CYP39A1: variants seen among roughly 807,000 people sequenced by gnomAD.
CYP39A1 encodes 24-hydroxycholesterol 7-alpha-hydroxylase.
CYP39A1 carries 49 observed loss-of-function variants against 58.1 expected under a neutral mutation model. The ratio of observed to expected loss-of-function variants is 0.84; its 90% CI spans 0.67 to 1.07. CYP39A1 has a LOEUF of 1.07. CYP39A1 is among the 50% of genes least tolerant of loss of function. CYP39A1 has a pLI of 0.00. For missense variants in CYP39A1, 531 were observed against 539.4 expected (o/e 0.98, Z 0.16); for synonymous variants, 209 against 187.6 (o/e 1.11, Z -0.93).
intron 10 of CYP39A1, among the ~76,000 whole-genome samples, chr6:46,582,661 A>G (rs1349116135): frequency 6.6e-6 from 1 of 151,214 alleles, no homozygotes. Context: ...GGCATTTGTC[A>G]TGTGCCATCT....
chr6:46,561,659 G>T (rs1770980967), intron 10 of CYP39A1, among the ~76,000 whole-genome samples: 1 of 152,046 alleles, frequency 6.6e-6, no homozygotes, highest in African/African-American at 2.4e-5. Flanking sequence ...AATAGATTGT[G>T]CTGATTGAAC....
intron 5 of CYP39A1, among the ~76,000 whole-genome samples, chr6:46,636,114 C>T (rs1699603847): frequency 1.3e-5 from 2 of 152,150 alleles, no homozygotes; most frequent in Non-Finnish European, 2.9e-5. Flanking sequence ...ATTGACACAG[C>T]CAACTGTATG....
At chr6:46,647,366 A>G (rs1762387711) in intron 1 of CYP39A1, among the ~76,000 whole-genome samples, 1 of 152,214 alleles carries the variant, frequency 6.6e-6, no homozygotes, top group South Asian at 2.1e-4. Flanking sequence ...AACATAGATG[A>G]CTACAGGTAA....
intron 10 of CYP39A1, among the ~76,000 whole-genome samples, chr6:46,575,798 A>G (rs1055505673): frequency 6.6e-6 from 1 of 152,216 alleles, no homozygotes; most frequent in African/African-American, 2.4e-5. Flanking sequence ...TAGAACACCC[A>G]GTCCAGGAGT....
At chr6:46,577,130 A>C (rs1211282804) in intron 10 of CYP39A1, among the ~76,000 whole-genome samples, 1 of 152,208 alleles carries the variant, frequency 6.6e-6, no homozygotes. Context: ...TATATTTAGC[A>C]TCCTTAAAGC....
chr6:46,644,573 A>G (rs1298766167), intron 1 of CYP39A1, among the ~76,000 whole-genome samples: 1 of 152,172 alleles, frequency 6.6e-6, no homozygotes, highest in Non-Finnish European at 1.5e-5. Context: ...GATTCTTTTC[A>G]GTTTAGGGCT....
At chr6:46,600,470 G>A (rs1191018581) in intron 7 of CYP39A1, among the ~76,000 whole-genome samples, 1 of 152,030 alleles carries the variant, frequency 6.6e-6, no homozygotes, top group Non-Finnish European at 1.5e-5. Flanking sequence ...GTGACTCTTG[G>A]AAATTAGGGG....
At chr6:46,597,443 T>C (rs186975355) in intron 7 of CYP39A1, among the ~76,000 whole-genome samples, 5 of 152,250 alleles carry the variant, frequency 3.3e-5, no homozygotes, top group African/African-American at 1.2e-4. Flanking sequence ...TTAAAGCAGA[T>C]AGGGTTCACA....
At chr6:46,627,703 C>A (rs977636230) in intron 6 of CYP39A1, among the ~76,000 whole-genome samples, 1 of 151,966 alleles carries the variant, frequency 6.6e-6, no homozygotes, top group African/African-American at 2.4e-5. Flanking sequence ...CAGGCGTGAG[C>A]CACTTTTTTT....
At chr6:46,612,622 T>C (rs1774282564) in intron 7 of CYP39A1, among the ~76,000 whole-genome samples, 1 of 152,224 alleles carries the variant, frequency 6.6e-6, no homozygotes, top group Non-Finnish European at 1.5e-5. Context: ...AGAAATTTCC[T>C]GCATGATAAG....
intron 7 of CYP39A1, among the ~76,000 whole-genome samples, chr6:46,624,808 G>A (rs1270646065): frequency 2.0e-5 from 3 of 152,108 alleles, no homozygotes; most frequent in African/African-American, 7.2e-5. Context: ...ATTCAAGCTT[G>A]TATTTGCTTT....
chr6:46,588,157 A>AT (rs1281627413), intron 8 of CYP39A1, 28 bp from the exon 9 acceptor site: 10 of 1,414,126 alleles, frequency 7.1e-6, no homozygotes, highest in Middle Eastern at 1.8e-4. Flanking sequence ...GCTGCAAATC[A>AT]TTTTTTTGAA....
intron 1 of CYP39A1, among the ~76,000 whole-genome samples, chr6:46,650,213 A>C (rs1762590377): frequency 6.6e-6 from 1 of 152,090 alleles, no homozygotes; most frequent in African/African-American, 2.4e-5. Flanking sequence ...TGGGGAAAGA[A>C]GGGCAGTCCT....
At chr6:46,604,276 T>C (rs1773699328) in intron 7 of CYP39A1, among the ~76,000 whole-genome samples, 1 of 152,192 alleles carries the variant, frequency 6.6e-6, no homozygotes, top group Non-Finnish European at 1.5e-5. Flanking sequence ...CCAATTCTCT[T>C]TTCCCATCTC....
chr6:46,640,735 C>A (rs569651526), intron 2 of CYP39A1, among the ~76,000 whole-genome samples: 5 of 152,124 alleles, frequency 3.3e-5, no homozygotes, highest in African/African-American at 1.2e-4. Context: ...GAGCACAGTA[C>A]TCAATAGTTA....
At chr6:46,550,679 A>G (rs1056266799) in intron 11 of CYP39A1, among the ~76,000 whole-genome samples, 10 of 152,176 alleles carry the variant, frequency 6.6e-5, no homozygotes, top group African/African-American at 2.4e-4. Flanking sequence ...ACACACCTGA[A>G]GGCTATAGGC....
intron 10 of CYP39A1, among the ~76,000 whole-genome samples, chr6:46,557,318 T>A (rs1422049420): frequency 6.6e-6 from 1 of 151,272 alleles, no homozygotes; most frequent in Non-Finnish European, 1.5e-5. Flanking sequence ...AATTTACAGA[T>A]CAAGACCCCC....
At chr6:46,612,695 A>T (rs1253093070) in intron 7 of CYP39A1, among the ~76,000 whole-genome samples, 1 of 152,214 alleles carries the variant, frequency 6.6e-6, no homozygotes, top group Non-Finnish European at 1.5e-5. Context: ...GAATGGAGAT[A>T]ATTTTTTAAA....
rs888982407 is a variant in CYP39A1 at position 46,647,551 on chromosome 6, C to T, written c.177+4855G>A. Among the ~76,000 whole-genome samples the T allele has an allele frequency of 3.9e-5, 6 of 152,178 alleles. No homozygotes were observed. The South Asian group carries it at 1.0e-3, about 26-fold the overall frequency. ...CACATTTTCAGAATTTCACATTCTA[C>T]ACCTGTTGGTGGGAGGTAGACACCA... On this transcript the variant is annotated intron_variant, in intron 1 of 11. Coordinates refer to ENST00000275016, the MANE Select transcript of CYP39A1 (RefSeq NM_016593.5).
Sources: gnomAD v4.1 joint callset for allele counts (sites outside exome capture counted in the v4.1 genomes callset) on GRCh38, gnomAD v4.1.1 for gene constraint, MANE v1.5 for transcripts, NCBI Gene and HGNC (gene_info 2026-07-23, HGNC 2026-07-21) for gene names.